UTRN: variants seen among roughly 807,000 people sequenced by gnomAD.
The protein encoded by UTRN is dystrophin-related protein 1.
In UTRN, 283 loss-of-function variants were observed where a neutral mutation model predicts 463.9. That is an observed-to-expected ratio of 0.61 (90% CI 0.55 to 0.67). The LOEUF is 0.67. Among genes scored for constraint, UTRN ranks in the 30% least tolerant of loss-of-function variants. The pLI is 0.00. For missense variants in UTRN, 3,922 were observed against 4,084.3 expected (o/e 0.96, Z 1.08); for synonymous variants, 1,442 against 1,431.5 (o/e 1.01, Z -0.17).
chr6:144,649,786 A>G lies in UTRN; in HGVS notation c.7480-28620A>G, dbSNP rs143396752. Reference sequence around the variant, plus strand: ...TATTTTTTATTTTAAATTAGCTACTAGTATACTAGCTTTAATGAGGAAATA... The same window carrying G: ...TATTTTTTATTTTAAATTAGCTACTGGTATACTAGCTTTAATGAGGAAATA... On this transcript the variant is annotated intron_variant, in intron 51 of 74. Coordinates refer to ENST00000367545, the MANE Select transcript of UTRN (RefSeq NM_007124.3). Among the ~76,000 whole-genome samples, 48 of 152,258 alleles carry G rather than the reference A, an allele frequency of 3.2e-4. No homozygotes were observed. In the East Asian group the frequency reaches 8.7e-3, roughly 28 times the overall value.
intron 41 of UTRN, among the ~76,000 whole-genome samples, chr6:144,524,427 G>GT (rs902618022): frequency 2.5e-3 from 373 of 148,098 alleles, no homozygotes; most frequent in Non-Finnish European, 3.8e-3. Flanking sequence ...ACATTGACAG[G>GT]TTTTTTTTTT....
intron 52 of UTRN, among the ~76,000 whole-genome samples, chr6:144,696,107 T>C (rs1783977659): frequency 6.6e-6 from 1 of 152,174 alleles, no homozygotes; most frequent in Non-Finnish European, 1.5e-5. Flanking sequence ...TTTAACATCA[T>C]CATTTAAATC....
chr6:144,845,682 G>A (rs1299605422), intron 73 of UTRN, among the ~76,000 whole-genome samples: 1 of 152,140 alleles, frequency 6.6e-6, no homozygotes, highest in African/African-American at 2.4e-5. Context: ...AAAAGAGTGT[G>A]TAAACCTATG....
chr6:144,835,104 C>T (rs1437274165), intron 69 of UTRN, among the ~76,000 whole-genome samples: 1 of 152,226 alleles, frequency 6.6e-6, no homozygotes, highest in Non-Finnish European at 1.5e-5. Flanking sequence ...TAGACATTCA[C>T]TTATGTCAGT....
chr6:144,312,944 T>C (rs983062514), intron 2 of UTRN, among the ~76,000 whole-genome samples: 2 of 152,170 alleles, frequency 1.3e-5, no homozygotes, highest in South Asian at 2.1e-4. Flanking sequence ...CAAAGAAACC[T>C]CAAAATACAG....
chr6:144,606,721 A>T (rs553231628), intron 51 of UTRN, among the ~76,000 whole-genome samples: 2 of 152,234 alleles, frequency 1.3e-5, no homozygotes, highest in African/African-American at 4.8e-5. Context: ...GAAATTCTCC[A>T]TAACCTGCAA....
At chr6:144,532,322 G>A (rs571925240) in intron 42 of UTRN, among the ~76,000 whole-genome samples, 1 of 152,262 alleles carries the variant, frequency 6.6e-6, no homozygotes, top group East Asian at 1.9e-4. Flanking sequence ...ATTTATAAAG[G>A]AAAGAGGTTT....
At chr6:144,310,711 GA>G (rs1458850520) in intron 2 of UTRN, among the ~76,000 whole-genome samples, 1 of 152,212 alleles carries the variant, frequency 6.6e-6, no homozygotes, top group African/African-American at 2.4e-5. Flanking sequence ...CCAGGAGGCA[GA>G]GGTTGCATTG....
intron 51 of UTRN, among the ~76,000 whole-genome samples, chr6:144,662,581 G>A (rs1367649806): frequency 1.3e-5 from 2 of 152,312 alleles, no homozygotes; most frequent in East Asian, 3.9e-4. Flanking sequence ...TGTTCAGTCT[G>A]AAGTTTAGGT....
At chr6:144,385,064 A>T (rs1362284239) in intron 2 of UTRN, among the ~76,000 whole-genome samples, 1 of 152,188 alleles carries the variant, frequency 6.6e-6, no homozygotes, top group East Asian at 1.9e-4. Flanking sequence ...GACTCTTGCT[A>T]ACCTCCAAGA....
chr6:144,693,570 G>A (rs557030073), intron 52 of UTRN, among the ~76,000 whole-genome samples: 1 of 152,030 alleles, frequency 6.6e-6, no homozygotes, highest in Non-Finnish European at 1.5e-5. Flanking sequence ...ATTTTTTTGG[G>A]CAGTGTTTTA....
At chr6:144,549,783 G>T (rs183779613) in intron 47 of UTRN, among the ~76,000 whole-genome samples, 2 of 152,310 alleles carry the variant, frequency 1.3e-5, no homozygotes, top group East Asian at 1.9e-4. Context: ...AGGCACAAAG[G>T]ACAGTAGGGC....
chr6:144,561,024 C>T (rs1462897625), intron 50 of UTRN, among the ~76,000 whole-genome samples: 1 of 151,212 alleles, frequency 6.6e-6, no homozygotes, highest in Non-Finnish European at 1.5e-5. Flanking sequence ...CTGACCACTA[C>T]TTTTTTTACT....
In UTRN at chr6:144,813,584, G is replaced by A. The variant is rs544903545; in HGVS notation, c.9358-7298G>A. Among the ~76,000 whole-genome samples the A allele has an allele frequency of 4.6e-5, 7 of 152,266 alleles. 1 individual carries two copies. In the South Asian group the frequency reaches 1.5e-3, roughly 32 times the overall value. ...CATTTGTAAAGAGAATAACTAGACAGCAAAACTAAAACGTACAATGTTTGC... is the reference window on the plus strand; with the variant it reads ...CATTTGTAAAGAGAATAACTAGACAACAAAACTAAAACGTACAATGTTTGC... On this transcript the variant is annotated intron_variant, in intron 65 of 74. Transcript: ENST00000367545.
At chr6:144,790,079 G>GA (rs953305518) in intron 62 of UTRN, among the ~76,000 whole-genome samples, 1 of 152,072 alleles carries the variant, frequency 6.6e-6, no homozygotes, top group African/African-American at 2.4e-5. Flanking sequence ...TTCTTCAACT[G>GA]AAAAAATGAA....
At chr6:144,763,350 T>A (rs1027560022) in intron 58 of UTRN, among the ~76,000 whole-genome samples, 2 of 152,200 alleles carry the variant, frequency 1.3e-5, no homozygotes, top group East Asian at 3.8e-4. Flanking sequence ...TTTCCATTCT[T>A]GTGCCCATTA....
chr6:144,421,728 A>G, intron 3 of UTRN, 150 bp from the exon 4 acceptor site: 2 of 340,900 alleles, frequency 5.9e-6, no homozygotes, highest in Non-Finnish European at 1.0e-5. Flanking sequence ...AATAAATAAA[A>G]ACCCCCAAAA....
rs1454274593 is a variant in UTRN, at chr6:144,537,629, A to T, written c.6281A>T (p.Asp2094Val). ...GTGATGAAGTACAGGCATCAGCTAG[A>T]TGAGATTATCTGTTGGTTAACAAAG... ...KQVMKYRHQL[D>V]EIICWLTKAE... is the part of the protein sequence containing the mutation. The change falls in exon 44 of 75, where the codon GAT becomes GTT. Residue 2094 changes from aspartate to valine, a missense_variant. By Grantham distance (152) the Asp-to-Val change is radical. Coordinates refer to ENST00000367545, the MANE Select transcript of UTRN (RefSeq NM_007124.3). The T allele has an allele frequency of 6.2e-7, 1 of 1,612,348 alleles. No individual in the cohort carries two copies. The highest frequency in any genetic ancestry group is 1.1e-5 in the South Asian group (1 of 90,794).
In UTRN at chr6:144,514,029, AT is replaced by A; in HGVS notation, c.5067del (p.Ile1689MetfsTer2). 1 of 1,613,890 alleles carries A rather than the reference AT, an allele frequency of 6.2e-7. No individual in the cohort carries two copies. The highest frequency in any genetic ancestry group is 1.7e-5 in the Admixed American group (1 of 60,010). ...GAAACCAACAAGTAAACAGGAAGAA[AT>A]TGTGAAGGTAGCAAACACAGACATC... ...EKKPTSKQEEIVKRLVSELDD... is the reference protein window; with the variant it reads ...EKKPTSKQEEXVKRLVSELDD... On this transcript the variant is annotated frameshift_variant, in exon 36 of 75. Coordinates refer to ENST00000367545, the MANE Select transcript of UTRN (RefSeq NM_007124.3). LOFTEE classifies it high-confidence loss of function.
Sources: gnomAD v4.1 joint callset for allele counts (sites outside exome capture counted in the v4.1 genomes callset) on GRCh38, gnomAD v4.1.1 for gene constraint, MANE v1.5 for transcripts, NCBI Gene and HGNC (gene_info 2026-07-23, HGNC 2026-07-21) for gene names.